CFAP20: variants seen among roughly 807,000 people sequenced by gnomAD.
CFAP20 encodes the protein cilia- and flagella-associated protein 20.
A neutral mutation model predicts 25.5 loss-of-function variants in CFAP20; 14 were observed. The ratio of observed to expected loss-of-function variants is 0.55; its 90% CI spans 0.36 to 0.86. CFAP20 has a LOEUF of 0.86. Among genes scored for constraint, CFAP20 ranks in the 40% least tolerant of loss-of-function variants. CFAP20 has a pLI of 0.01. For synonymous variants in CFAP20, 75 were observed against 91.1 expected, an observed-to-expected ratio of 0.82 and a Z score of 1.01; for missense variants, 181 against 248.0, an observed-to-expected ratio of 0.73 and a Z score of 1.81.
At chr16:58,120,513 G>C (rs1025584887) in intron 1 of CFAP20, among the ~76,000 whole-genome samples, 2 of 152,130 alleles carry the variant, frequency 1.3e-5, no homozygotes, top group Non-Finnish European at 2.9e-5. Flanking sequence ...CGACTTCCCT[G>C]GAACTCCAGC....
chr16:58,115,097 C>G, intron 4 of CFAP20, 172 bp downstream of exon 4: 1 of 1,051,866 alleles, frequency 9.5e-7, no homozygotes, highest in East Asian at 2.5e-5. Context: ...CACCTCTATA[C>G]CTGACCCGAC....
intron 1 of CFAP20, among the ~76,000 whole-genome samples, chr16:58,127,927 G>A (rs1357769234): frequency 6.6e-6 from 1 of 152,114 alleles, no homozygotes. Flanking sequence ...ATACAGAGAC[G>A]TGTTCCAAGA....
chr16:58,113,969 TC>T lies in CFAP20; in HGVS notation c.*55del. The T allele has an allele frequency of 6.4e-7, 1 of 1,571,632 alleles. No homozygotes were observed. Among genetic ancestry groups the T allele is most frequent in the Non-Finnish European group, 8.8e-7 (1 of 1,141,572 alleles). ...TTTTTGCATCGTCCTCCACATAGTT[TC>T]CTTTTAAAAAGAAGAGTCACATCCA... On this transcript the variant is annotated 3_prime_UTR_variant, in exon 6 of 6. Transcript: ENST00000262498.
At chr16:58,114,230 T>C (rs1960424497) in intron 5 of CFAP20, among the ~76,000 whole-genome samples, 200 bp from the exon 6 acceptor site, 1 of 152,154 alleles carries the variant, frequency 6.6e-6, no homozygotes, top group African/African-American at 2.4e-5. Flanking sequence ...TTTGGGCTGA[T>C]TAAGAGTTAA....
chr16:58,121,460 T>C (rs886080402), intron 1 of CFAP20, among the ~76,000 whole-genome samples: 4 of 152,242 alleles, frequency 2.6e-5, no homozygotes, highest in Non-Finnish European at 5.9e-5. Flanking sequence ...TTCTTTTTCA[T>C]TCATGACACA....
At chr16:58,126,644 C>A (rs1309708860) in intron 1 of CFAP20, among the ~76,000 whole-genome samples, 1 of 152,210 alleles carries the variant, frequency 6.6e-6, no homozygotes, top group Non-Finnish European at 1.5e-5. Flanking sequence ...CAGTCCTCAC[C>A]TCCCCACAAA....
intron 2 of CFAP20, 191 bp downstream of exon 2, chr16:58,116,681 A>G: frequency 1.8e-6 from 1 of 544,318 alleles, no homozygotes; most frequent in Non-Finnish European, 3.3e-6. Flanking sequence ...AAAATGTACT[A>G]TTATTCTGCC....
chr16:58,114,448 C>T (rs151181572), intron 5 of CFAP20, among the ~76,000 whole-genome samples: 5 of 151,574 alleles, frequency 3.3e-5, no homozygotes, highest in East Asian at 2.0e-4. Flanking sequence ...ATCCCTTGAA[C>T]CTGGAAGGCA....
At chr16:58,117,211 T>C in intron 1 of CFAP20, 1 of 496,466 alleles carries the variant, frequency 2.0e-6, no homozygotes, top group Admixed American at 3.7e-5. Flanking sequence ...TCAGCTAATA[T>C]CTACTGAATG....
Position 58,129,190 on chromosome 16 carries a change from G to A in CFAP20, c.-75C>T. The A allele has an allele frequency of 6.6e-7, 1 of 1,511,234 alleles. No individual in the cohort carries two copies. The highest frequency in any genetic ancestry group is 9.1e-7 in the Non-Finnish European group (1 of 1,102,580). 93.6% of individuals were successfully genotyped at this position (1,511,234 alleles called of 1,614,324 possible). A position where few individuals can be genotyped will look rare whatever the true frequency, so the allele number is the denominator to read the frequency against. ...GGAGTAGATACAGGCACCGAGCGTC[G>A]AGGGCACAGCAGCAGGCCGGCCCTG... On this transcript the variant is annotated 5_prime_UTR_variant, in exon 1 of 6. Coordinates refer to ENST00000262498, the MANE Select transcript of CFAP20 (RefSeq NM_013242.3).
intron 1 of CFAP20, among the ~76,000 whole-genome samples, chr16:58,126,908 C>T (rs1960621593): frequency 6.6e-6 from 1 of 152,204 alleles, no homozygotes; most frequent in African/African-American, 2.4e-5. Context: ...CCTTCCCTTG[C>T]CCCAAGAGGG....
intron 1 of CFAP20, among the ~76,000 whole-genome samples, chr16:58,127,651 T>A (rs1960635669): frequency 6.6e-6 from 1 of 152,258 alleles, no homozygotes; most frequent in African/African-American, 2.4e-5. Flanking sequence ...GTTAAGGAAC[T>A]GCTTTCCTGT....
rs760057617 is a variant in CFAP20, at chr16:58,114,852, C to A, written c.534G>T (p.Pro178=). 1.2e-6 allele frequency: 2 copies of A among 1,613,952 alleles called. No homozygotes were observed. Among genetic ancestry groups the A allele is most frequent in the Non-Finnish European group, 1.7e-6 (2 of 1,179,994 alleles). The change falls in exon 5 of 6, where the codon CCG becomes CCT. Residue 178 remains proline (P), a synonymous_variant. Transcript: ENST00000262498. ...SDRLYSEDEL[P]AEFKLYLPVQ... is the part of the protein sequence containing the mutation. ...CTGGGAGATACAGTTTGAACTCTGCCGGCAGCTCATCTTCTGAGTAGAGTC... is the reference window on the plus strand; with the variant it reads ...CTGGGAGATACAGTTTGAACTCTGCAGGCAGCTCATCTTCTGAGTAGAGTC...
At chr16:58,121,991 G>A (rs577975912) in intron 1 of CFAP20, among the ~76,000 whole-genome samples, 1 of 152,318 alleles carries the variant, frequency 6.6e-6, no homozygotes, top group Admixed American at 6.5e-5. Flanking sequence ...AATGACACAT[G>A]CTCTAATTTA....
At chr16:58,122,167 G>A (rs192131426) in intron 1 of CFAP20, among the ~76,000 whole-genome samples, 2 of 152,202 alleles carry the variant, frequency 1.3e-5, no homozygotes, top group Non-Finnish European at 2.9e-5. Context: ...CACTCCCTTC[G>A]CTGTACTTGA....
At chr16:58,117,008 A>G (rs1960466463) in intron 1 of CFAP20, 57 bp from the exon 2 acceptor site, 6 of 1,545,554 alleles carry the variant, frequency 3.9e-6, no homozygotes, top group Non-Finnish European at 5.3e-6. Context: ...GAATAGGACT[A>G]TTTAAAGAAA....
chr16:58,128,827 G>GCC (rs1960661385), intron 1 of CFAP20, among the ~76,000 whole-genome samples: 1 of 93,818 alleles, frequency 1.1e-5, no homozygotes, highest in Non-Finnish European at 2.3e-5. Flanking sequence ...CCACCCACAT[G>GCC]CACCGCCCCC....
chr16:58,115,616 T>C (rs1403201111), intron 3 of CFAP20, 159 bp from the exon 4 acceptor site: 1 of 803,154 alleles, frequency 1.2e-6, no homozygotes. Flanking sequence ...TGCATGCAGA[T>C]GGCCCGGAAG....
At chr16:58,127,303 G>A (rs1442069181) in intron 1 of CFAP20, among the ~76,000 whole-genome samples, 2 of 152,176 alleles carry the variant, frequency 1.3e-5, no homozygotes, top group African/African-American at 4.8e-5. Context: ...CAGAAATTCT[G>A]AGGCCTCCCT....
Sources: gnomAD v4.1 joint callset for allele counts (sites outside exome capture counted in the v4.1 genomes callset) on GRCh38, gnomAD v4.1.1 for gene constraint, MANE v1.5 for transcripts, NCBI Gene and HGNC (gene_info 2026-07-23, HGNC 2026-07-21) for gene names.